Variants in CFAP100 observed in about 807,000 individuals in gnomAD.
CFAP100 encodes cilia and flagella associated protein 100, also known as cilia- and flagella-associated protein 100.
Under a neutral mutation model 81.5 loss-of-function variants are expected in CFAP100, and 70 were observed. The observed-to-expected ratio is 0.86, with a 90% CI of 0.71 to 1.05. CFAP100 has a LOEUF of 1.05. CFAP100 is among the 50% of genes least tolerant of loss of function. The probability of loss-of-function intolerance (pLI) is 0.00; values close to 1 mark genes in which losing one functional copy is unlikely to be tolerated. For missense variants in CFAP100, 811 were observed against 776.5 expected, an observed-to-expected ratio of 1.04 and a Z score of -0.53; for synonymous variants, 341 against 314.8, an observed-to-expected ratio of 1.08 and a Z score of -0.88.
chr3:126,405,084 C>T (rs1216955952), intron 2 of CFAP100, among the ~76,000 whole-genome samples: 1 of 151,140 alleles, frequency 6.6e-6, no homozygotes, highest in Non-Finnish European at 1.5e-5. Flanking sequence ...CACTGCTGTG[C>T]GACCACCACC....
intron 13 of CFAP100, among the ~76,000 whole-genome samples, chr3:126,429,183 A>G (rs967416172): frequency 3.3e-5 from 5 of 151,520 alleles, no homozygotes; most frequent in Admixed American, 1.3e-4. Context: ...GTCACCCATG[A>G]CACCATGAGG....
At chr3:126,416,248 A>C in intron 4 of CFAP100, 68 bp from the exon 5 acceptor site, 3 of 1,082,754 alleles carry the variant, frequency 2.8e-6, no homozygotes, top group Non-Finnish European at 2.6e-6. Flanking sequence ...GGAATGGGGA[A>C]CCGCGCGGGG....
intron 3 of CFAP100, among the ~76,000 whole-genome samples, chr3:126,410,504 CTT>C (rs934540064): frequency 6.7e-6 from 1 of 149,424 alleles, no homozygotes; most frequent in Non-Finnish European, 1.5e-5. Flanking sequence ...TTCTGCCTTT[CTT>C]TTTTTTTTCT....
intron 2 of CFAP100, among the ~76,000 whole-genome samples, chr3:126,403,167 T>C (rs1458656410): frequency 1.3e-5 from 2 of 152,048 alleles, no homozygotes; most frequent in Non-Finnish European, 2.9e-5. Flanking sequence ...CTGAAGAGGC[T>C]GCTGTGGATG....
intron 15 of CFAP100, 113 bp from the exon 16 acceptor site, chr3:126,435,446 G>A: frequency 4.0e-6 from 3 of 746,672 alleles, no homozygotes; most frequent in Non-Finnish European, 6.5e-6. Context: ...GAGGTGAAGA[G>A]GAGCTGGGAG....
chr3:126,434,331 G>A lies in CFAP100; in HGVS notation c.1578G>A (p.Gln526=), dbSNP rs1385752876. ...TAGAGAACCTGGAGCACGTGCCCCA[G>A]GTCAAGATCGAGCAGGCCGAGAGGG... is the stretch of plus-strand genomic sequence containing the variant. ...ELLENLEHVP[Q]VKIEQAERAK... Residue 526 remains glutamine (Q), a synonymous_variant, in exon 15 of 17, where the codon CAG becomes CAA. Transcript: ENST00000352312. 6.2e-7 allele frequency: 1 copy of A among 1,614,110 alleles called. No homozygotes were observed. The highest frequency in any genetic ancestry group is 8.5e-7 in the Non-Finnish European group (1 of 1,180,028).
intron 11 of CFAP100, among the ~76,000 whole-genome samples, chr3:126,421,250 C>T (rs914561944): frequency 6.6e-6 from 1 of 152,062 alleles, no homozygotes; most frequent in Admixed American, 6.6e-5. Context: ...GTGATCCGCC[C>T]GCCTCAGCCT....
chr3:126,412,567 A>T (rs1213944454), intron 3 of CFAP100, among the ~76,000 whole-genome samples: 1 of 152,198 alleles, frequency 6.6e-6, no homozygotes, highest in Non-Finnish European at 1.5e-5. Context: ...AAATGATTAT[A>T]TCATTTCCTT....
At chr3:126,400,010 G>A (rs980629116) in intron 2 of CFAP100, among the ~76,000 whole-genome samples, 6 of 152,098 alleles carry the variant, frequency 3.9e-5, no homozygotes, top group South Asian at 2.1e-4. Context: ...CCAACTCCAG[G>A]GTCTAAAGCA....
Position 126,419,062 on chromosome 3 carries a change from C to G in CFAP100, c.651-14C>G. On this transcript the variant is annotated splice_polypyrimidine_tract_variant and intron_variant, in intron 7 of 16. Transcript: ENST00000352312. ...CTTGCCCCCATCCCTCCTCCCCCGCCGCCCAACCCCTAGGGCTGAGAAGGA... is the reference window on the plus strand; with the variant it reads ...CTTGCCCCCATCCCTCCTCCCCCGCGGCCCAACCCCTAGGGCTGAGAAGGA... 1 of 1,492,278 alleles carries G rather than the reference C, an allele frequency of 6.7e-7. No homozygotes were observed. Among genetic ancestry groups the G allele is most frequent in the Non-Finnish European group, 9.0e-7 (1 of 1,107,710 alleles). The allele number at this position is 1,492,278 out of a possible 1,614,324, so 92.4% of individuals were successfully genotyped here.
At chr3:126,421,083 A>G (rs1339552693) in intron 11 of CFAP100, among the ~76,000 whole-genome samples, 1 of 152,084 alleles carries the variant, frequency 6.6e-6, no homozygotes, top group African/African-American at 2.4e-5. Flanking sequence ...GCTCACCGCA[A>G]CCTCCGCCTC....
intron 2 of CFAP100, among the ~76,000 whole-genome samples, chr3:126,400,757 AAAAAG>A (rs1290169234): frequency 6.6e-6 from 1 of 152,104 alleles, no homozygotes; most frequent in Admixed American, 6.5e-5. Context: ...GTCTCAAAAA[AAAAAG>A]AAAAGAAAAG....
At chr3:126,408,567 G>T (rs776109026) in intron 3 of CFAP100, among the ~76,000 whole-genome samples, 1 of 152,074 alleles carries the variant, frequency 6.6e-6, no homozygotes. Flanking sequence ...GCTGGCACTG[G>T]GACTGCTTCT....
In CFAP100 at chr3:126,423,469, C is replaced by T. The variant is rs113385789; in HGVS notation, c.1135-24C>T. The T allele has an allele frequency of 2.2e-5, 36 of 1,613,718 alleles. 1 individual carries two copies. Among genetic ancestry groups the T allele is most frequent in the African/African-American group, 2.1e-4 (16 of 75,026 alleles). On this transcript the variant is annotated intron_variant, in intron 12 of 16. Coordinates refer to ENST00000352312, the MANE Select transcript of CFAP100 (RefSeq NM_182628.3). ...CCTCTGGCTCTGTCCCTGTCCAGTC[C>T]CTGCCAAAACCTGTGGGTTGCAGGA...
intron 4 of CFAP100, among the ~76,000 whole-genome samples, chr3:126,415,496 T>G (rs942770315): frequency 1.3e-5 from 2 of 152,072 alleles, no homozygotes; most frequent in African/African-American, 4.8e-5. Context: ...AAAGGCCACC[T>G]TGTACCCTGA....
At chr3:126,414,436 G>A in intron 4 of CFAP100, 2 of 622,388 alleles carry the variant, frequency 3.2e-6, no homozygotes, top group Non-Finnish European at 5.7e-6. Flanking sequence ...GGGCTGCTGT[G>A]GCAACAGCCT....
chr3:126,397,611 C>G (rs971217635), intron 2 of CFAP100, among the ~76,000 whole-genome samples: 4 of 152,096 alleles, frequency 2.6e-5, no homozygotes, highest in Non-Finnish European at 5.9e-5. Context: ...AGGGCCTGTG[C>G]ATTTGTGAGA....
At chr3:126,408,985 C>T (rs770630593) in intron 3 of CFAP100, among the ~76,000 whole-genome samples, 2 of 152,200 alleles carry the variant, frequency 1.3e-5, no homozygotes, top group Non-Finnish European at 2.9e-5. Context: ...GACAGGGTTG[C>T]ACCATATTGC....
intron 13 of CFAP100, among the ~76,000 whole-genome samples, chr3:126,428,311 A>C (rs2107615608): frequency 6.6e-6 from 1 of 152,364 alleles, no homozygotes; most frequent in South Asian, 2.1e-4. Flanking sequence ...GAGAAGGCAT[A>C]ACTGTAGGGA....
Sources: gnomAD v4.1 joint callset for allele counts (sites outside exome capture counted in the v4.1 genomes callset) on GRCh38, gnomAD v4.1.1 for gene constraint, MANE v1.5 for transcripts, NCBI Gene and HGNC (gene_info 2026-07-23, HGNC 2026-07-21) for gene names.